The following ALMS1 variants were observed in gnomAD, a reference collection of about 807,000 sequenced individuals.
The protein encoded by ALMS1 is ALMS1 centrosome and basal body associated protein.
A neutral mutation model predicts 352.2 loss-of-function variants in ALMS1; 271 were observed. The ratio of observed to expected loss-of-function variants is 0.77; its 90% CI spans 0.70 to 0.85. The LOEUF (loss-of-function observed/expected upper bound fraction) is 0.85. Among genes scored for constraint, ALMS1 ranks in the 40% least tolerant of loss-of-function variants. The probability of loss-of-function intolerance (pLI) is 0.00; values close to 1 mark genes in which losing one functional copy is unlikely to be tolerated. For synonymous variants in ALMS1, 1,865 were observed against 1,761.2 expected (o/e 1.06, Z -1.48); for missense variants, 5,445 against 4,870.7 (o/e 1.12, Z -3.51).
chr2:73,452,634 AG>A lies in ALMS1; in HGVS notation c.6108del (p.Lys2037ArgfsTer16). The A allele has an allele frequency of 6.2e-7, 1 of 1,614,086 alleles. No homozygotes were observed. Among genetic ancestry groups the A allele is most frequent in the Non-Finnish European group, 8.5e-7 (1 of 1,180,000 alleles). Reference protein sequence around the residue: ...KISTVIGPNDQKTPSQTAFHS... With the variant: ...KISTVIGPNDXKTPSQTAFHS... ...TCAACTGTGATTGGACCAAATGACC[AG>A]AAGACTCCATCCCAGACAGCTTTTC... is the stretch of plus-strand genomic sequence containing the variant. On this transcript the variant is annotated frameshift_variant, in exon 8 of 23. Transcript: ENST00000613296. LOFTEE classifies it high-confidence loss of function.
chr2:73,387,281 A>G (rs1180886754), intron 1 of ALMS1, among the ~76,000 whole-genome samples: 3 of 152,230 alleles, frequency 2.0e-5, no homozygotes, highest in Admixed American at 1.3e-4. Flanking sequence ...GGTGAACCCA[A>G]ACATTTTTGG....
intron 9 of ALMS1, among the ~76,000 whole-genome samples, chr2:73,476,439 A>G (rs963407195): frequency 3.3e-5 from 5 of 152,044 alleles, no homozygotes; most frequent in African/African-American, 1.2e-4. Flanking sequence ...TGGATCATAC[A>G]GTCATTCTAC....
At chr2:73,552,228 C>G (rs1209681535) in intron 13 of ALMS1, among the ~76,000 whole-genome samples, 2 of 152,090 alleles carry the variant, frequency 1.3e-5, no homozygotes, top group African/African-American at 2.4e-5. Flanking sequence ...CGTTCTACTT[C>G]AAAACACAGT....
At chr2:73,479,154 G>C (rs374976517) in intron 9 of ALMS1, among the ~76,000 whole-genome samples, 1 of 151,978 alleles carries the variant, frequency 6.6e-6, no homozygotes, top group African/African-American at 2.4e-5. Flanking sequence ...TTTTTTTTAA[G>C]TCAACATTTT....
chr2:73,417,968 T>C (rs1484129749), intron 2 of ALMS1, among the ~76,000 whole-genome samples: 7 of 152,234 alleles, frequency 4.6e-5, no homozygotes. Context: ...GAGGTAAGTA[T>C]AGAAATTGAG....
At chr2:73,543,714 A>G (rs184580350) in intron 12 of ALMS1, among the ~76,000 whole-genome samples, 2,109 of 152,344 alleles carry the variant, frequency 0.014, 16 homozygotes, top group Non-Finnish European at 0.021. Flanking sequence ...AAGGATATGA[A>G]CAGACACTTC....
intron 1 of ALMS1, among the ~76,000 whole-genome samples, chr2:73,400,882 G>T (rs1319405187): frequency 6.6e-6 from 1 of 152,068 alleles, no homozygotes; most frequent in East Asian, 1.9e-4. Context: ...TGCCTCCTGG[G>T]TTCAAGCGAT....
chr2:73,551,914 T>C (rs1046820070), intron 13 of ALMS1, among the ~76,000 whole-genome samples: 2 of 152,202 alleles, frequency 1.3e-5, no homozygotes, highest in African/African-American at 4.8e-5. Flanking sequence ...ATTAGCTAAA[T>C]AGGTGCTACT....
intron 7 of ALMS1, among the ~76,000 whole-genome samples, chr2:73,444,900 AT>A (rs1213802995): frequency 5.9e-5 from 9 of 152,164 alleles, no homozygotes; most frequent in Non-Finnish European, 1.0e-4. Flanking sequence ...CACAATTATA[AT>A]TATTTAGTTA....
intron 9 of ALMS1, among the ~76,000 whole-genome samples, chr2:73,462,298 TATTCAAC>T (rs1672222180): frequency 6.6e-6 from 1 of 152,126 alleles, no homozygotes; most frequent in African/African-American, 2.4e-5. Context: ...TGGGGGCCAA[TATTCAAC>T]ATTCTTAAAG....
chr2:73,515,427 T>A (rs1190125718), intron 10 of ALMS1, among the ~76,000 whole-genome samples: 1 of 152,136 alleles, frequency 6.6e-6, no homozygotes, highest in Non-Finnish European at 1.5e-5. Flanking sequence ...CAATTTTTGA[T>A]CATTTTTTCC....
chr2:73,463,865 T>C (rs200680480), intron 9 of ALMS1, among the ~76,000 whole-genome samples: 126,375 of 149,068 alleles, frequency 0.85, 53,658 homozygotes, highest in Non-Finnish European at 0.86. Context: ...ACAAATTCTT[T>C]GACACATACA....
chr2:73,557,391 T>C (rs373384623), intron 14 of ALMS1, 37 bp downstream of exon 14: 3 of 1,613,422 alleles, frequency 1.9e-6, no homozygotes, highest in South Asian at 1.1e-5. Context: ...TATTTTCTTC[T>C]GGTCTTCTAA....
intron 9 of ALMS1, among the ~76,000 whole-genome samples, chr2:73,460,995 A>G (rs1285717558): frequency 2.0e-5 from 3 of 152,360 alleles, no homozygotes; most frequent in East Asian, 3.9e-4. Flanking sequence ...CTGCCTCTGT[A>G]GGCTCCACCT....
chr2:73,463,212 G>C (rs1210817364), intron 9 of ALMS1, among the ~76,000 whole-genome samples: 1 of 152,126 alleles, frequency 6.6e-6, no homozygotes, highest in East Asian at 1.9e-4. Context: ...TGGAAGTAAA[G>C]CACTCTCAGC....
chr2:73,519,049 T>C (rs1481598631), intron 10 of ALMS1, among the ~76,000 whole-genome samples: 2 of 152,230 alleles, frequency 1.3e-5, no homozygotes, highest in Non-Finnish European at 2.9e-5. Flanking sequence ...ATCCACATCA[T>C]CACTGGTGAT....
intron 7 of ALMS1, among the ~76,000 whole-genome samples, chr2:73,441,058 G>C (rs553817735): frequency 2.0e-4 from 31 of 152,288 alleles, no homozygotes; most frequent in African/African-American, 7.2e-4. Flanking sequence ...GGAAGGGGGA[G>C]ATGCTAACCC....
intron 4 of ALMS1, among the ~76,000 whole-genome samples, chr2:73,423,342 A>G (rs773535897): frequency 1.3e-5 from 2 of 152,128 alleles, no homozygotes; most frequent in Non-Finnish European, 2.9e-5. Context: ...TTTCTTGTTC[A>G]CTAACTTGTT....
Position 73,449,616 on chromosome 2 carries a change from C to A in ALMS1, c.3089C>A (p.Ser1030Ter). Residue 1030 changes from serine to a stop codon, truncating the protein, a stop_gained, in exon 8 of 23, where the codon TCA becomes TAA. Transcript: ENST00000613296. LOFTEE classifies it high-confidence loss of function. ...SYATEKALKVSTGPGPADQKT... is the reference protein window; with the variant it reads ...SYATEKALKV ...GCAACTGAAAAGGCTCTGAAAGTTT[C>A]AACTGGCCCTGGACCAGCTGACCAG... The A allele has an allele frequency of 6.2e-7, 1 of 1,614,084 alleles. No individual in the cohort carries two copies.
Sources: gnomAD v4.1 joint callset for allele counts (sites outside exome capture counted in the v4.1 genomes callset) on GRCh38, gnomAD v4.1.1 for gene constraint, MANE v1.5 for transcripts, NCBI Gene and HGNC (gene_info 2026-07-23, HGNC 2026-07-21) for gene names.